Variants in ST6GALNAC3 observed in about 807,000 individuals in gnomAD.
ST6GALNAC3 encodes the protein alpha-N-acetylgalactosaminide alpha-2,6-sialyltransferase 3.
ST6GALNAC3 carries 25 observed loss-of-function variants against 32.7 expected under a neutral mutation model. The ratio of observed to expected loss-of-function variants is 0.76; its 90% CI spans 0.56 to 1.07. ST6GALNAC3 has a LOEUF of 1.07. ST6GALNAC3 is among the 50% of genes least tolerant of loss of function. The pLI, the probability that ST6GALNAC3 is intolerant of heterozygous loss-of-function variation, is 0.00. For synonymous variants in ST6GALNAC3, 129 were observed against 133.1 expected, an observed-to-expected ratio of 0.97 and a Z score of 0.21; for missense variants, 355 against 382.4, an observed-to-expected ratio of 0.93 and a Z score of 0.60.
intron 1 of ST6GALNAC3, among the ~76,000 whole-genome samples, chr1:76,280,829 A>G (rs959875411): frequency 5.9e-5 from 9 of 152,214 alleles, no homozygotes; most frequent in Admixed American, 2.0e-4. Flanking sequence ...AATAATATTC[A>G]TTTACAAATT....
At chr1:76,204,437 G>A (rs1439897294) in intron 1 of ST6GALNAC3, among the ~76,000 whole-genome samples, 2 of 152,180 alleles carry the variant, frequency 1.3e-5, no homozygotes, top group African/African-American at 4.8e-5. Context: ...TTGAGAACTA[G>A]ATAGATCATT....
intron 3 of ST6GALNAC3, among the ~76,000 whole-genome samples, chr1:76,566,957 C>A (rs1272074780): frequency 6.6e-6 from 1 of 151,978 alleles, no homozygotes; most frequent in Non-Finnish European, 1.5e-5. Flanking sequence ...TCACTTTGTC[C>A]CAGTGAATTC....
intron 2 of ST6GALNAC3, among the ~76,000 whole-genome samples, chr1:76,324,103 G>A (rs556041001): frequency 7.9e-5 from 12 of 152,260 alleles, no homozygotes; most frequent in South Asian, 6.2e-4. Flanking sequence ...TGATCCGCCC[G>A]CCTTGGCCTC....
intron 3 of ST6GALNAC3, among the ~76,000 whole-genome samples, chr1:76,569,424 C>T (rs186943286): frequency 6.6e-6 from 1 of 152,238 alleles, no homozygotes; most frequent in African/African-American, 2.4e-5. Flanking sequence ...GCTGAGAGAA[C>T]TAAAGAAAAT....
intron 3 of ST6GALNAC3, among the ~76,000 whole-genome samples, chr1:76,617,595 C>T (rs965728430): frequency 6.6e-6 from 1 of 152,036 alleles, no homozygotes; most frequent in Non-Finnish European, 1.5e-5. Flanking sequence ...CTTTTTAAAG[C>T]TTAAGTATAA....
intron 1 of ST6GALNAC3, among the ~76,000 whole-genome samples, chr1:76,243,829 C>T (rs1294141440): frequency 6.6e-6 from 1 of 152,142 alleles, no homozygotes; most frequent in African/African-American, 2.4e-5. Context: ...GTACCAGTAC[C>T]ATGCTGTTTT....
At chr1:76,341,297 A>T (rs1377969431) in intron 2 of ST6GALNAC3, among the ~76,000 whole-genome samples, 1 of 151,808 alleles carries the variant, frequency 6.6e-6, no homozygotes, top group Admixed American at 6.6e-5. Flanking sequence ...TGTAAGTGAG[A>T]ATATGCAGTA....
At chr1:76,455,719 C>T (rs1458185752) in intron 3 of ST6GALNAC3, among the ~76,000 whole-genome samples, 3 of 152,158 alleles carry the variant, frequency 2.0e-5, no homozygotes, top group Non-Finnish European at 2.9e-5. Context: ...TATTGACTTT[C>T]AACCAGTACT....
At chr1:76,358,886 T>G (rs1302394102) in intron 2 of ST6GALNAC3, among the ~76,000 whole-genome samples, 1 of 152,220 alleles carries the variant, frequency 6.6e-6, no homozygotes, top group African/African-American at 2.4e-5. Flanking sequence ...CTCTTCTGTT[T>G]CCACCTATTT....
intron 1 of ST6GALNAC3, among the ~76,000 whole-genome samples, chr1:76,153,676 A>G (rs1651198426): frequency 6.6e-6 from 1 of 152,206 alleles, no homozygotes; most frequent in African/African-American, 2.4e-5. Context: ...CTGTGTTGCT[A>G]AGTTTTAAAC....
chr1:76,508,611 G>A (rs1014844232), intron 3 of ST6GALNAC3, among the ~76,000 whole-genome samples: 8 of 152,080 alleles, frequency 5.3e-5, no homozygotes, highest in African/African-American at 1.9e-4. Flanking sequence ...TGTTGCTGAG[G>A]AAGGCATCCA....
chr1:76,088,550 G>A (rs562492265), intron 1 of ST6GALNAC3, among the ~76,000 whole-genome samples: 73 of 152,144 alleles, frequency 4.8e-4, no homozygotes, highest in Middle Eastern at 6.8e-3. Flanking sequence ...TAAGTCCATC[G>A]TGCTGCCTGG....
rs114247168 is a variant in ST6GALNAC3 at position 76,360,261 on chromosome 1, C to T, written c.213+46262C>T. Among the ~76,000 whole-genome samples the T allele has an allele frequency of 6.8e-3, 1,031 of 152,258 alleles. 7 individuals carry two copies. The highest frequency in any genetic ancestry group is 0.024 in the African/African-American group (1,008 of 41,560). On this transcript the variant is annotated intron_variant, in intron 2 of 4. Transcript: ENST00000328299. ...ATGCAGGGTCTAAATGTCCATAAGT[C>T]TACAACTTCAGCCTGTTTATCCTTC... is the stretch of plus-strand genomic sequence containing the variant.
intron 3 of ST6GALNAC3, among the ~76,000 whole-genome samples, chr1:76,571,313 A>G (rs1665845160): frequency 6.6e-6 from 1 of 152,054 alleles, no homozygotes; most frequent in Non-Finnish European, 1.5e-5. Flanking sequence ...GTGGTCGCTC[A>G]CTGTTTCTAG....
At chr1:76,075,597 A>T (rs1646804530) in intron 1 of ST6GALNAC3, among the ~76,000 whole-genome samples, 1 of 152,134 alleles carries the variant, frequency 6.6e-6, no homozygotes, top group African/African-American at 2.4e-5. Context: ...TCTTAGCCTC[A>T]CCTGAGCATC....
intron 1 of ST6GALNAC3, among the ~76,000 whole-genome samples, chr1:76,218,606 CAT>C (rs1371406046): frequency 1.3e-5 from 2 of 152,218 alleles, no homozygotes; most frequent in Non-Finnish European, 2.9e-5. Flanking sequence ...TATGTATTCA[CAT>C]GTTTATTTTT....
At chr1:76,347,797 C>T (rs564313941) in intron 2 of ST6GALNAC3, among the ~76,000 whole-genome samples, 1 of 152,040 alleles carries the variant, frequency 6.6e-6, no homozygotes, top group Admixed American at 6.6e-5. Context: ...AGTTGCTTAA[C>T]CTACCAACAA....
chr1:76,471,263 T>C (rs1475784251), intron 3 of ST6GALNAC3, among the ~76,000 whole-genome samples: 2 of 152,098 alleles, frequency 1.3e-5, no homozygotes, highest in African/African-American at 4.8e-5. Flanking sequence ...TCAGATACTG[T>C]CTTCATAAAA....
At chr1:76,570,082 A>G (rs558830979) in intron 3 of ST6GALNAC3, among the ~76,000 whole-genome samples, 5 of 152,290 alleles carry the variant, frequency 3.3e-5, no homozygotes, top group South Asian at 4.1e-4. Context: ...GGGCTGAGCT[A>G]TACTCTGAAC....
Sources: gnomAD v4.1 joint callset for allele counts (sites outside exome capture counted in the v4.1 genomes callset) on GRCh38, gnomAD v4.1.1 for gene constraint, MANE v1.5 for transcripts, NCBI Gene and HGNC (gene_info 2026-07-23, HGNC 2026-07-21) for gene names.